Variants in NCOR1 observed in about 807,000 individuals in gnomAD.
NCOR1 encodes nuclear receptor corepressor 1.
Under a neutral mutation model 288.1 loss-of-function variants are expected in NCOR1, and 63 were observed. That is an observed-to-expected ratio of 0.22 (90% CI 0.18 to 0.27). The LOEUF (loss-of-function observed/expected upper bound fraction) is 0.27, where lower values mean the gene tolerates loss of function less well. NCOR1 is among the 10% of genes least tolerant of loss of function. NCOR1 has a pLI of 1.00. For synonymous variants in NCOR1, 1,007 were observed against 1,065.9 expected (o/e 0.94, Z 1.08); for missense variants, 2,397 against 3,019.2 (o/e 0.79, Z 4.83).
intron 22 of NCOR1, among the ~76,000 whole-genome samples, chr17:16,089,731 C>A (rs1289401117): frequency 1.3e-5 from 2 of 152,012 alleles, no homozygotes; most frequent in African/African-American, 4.8e-5. Flanking sequence ...TAAATTTAAA[C>A]CATTTTTGTC....
intron 29 of NCOR1, among the ~76,000 whole-genome samples, 193 bp from the exon 30 acceptor site, chr17:16,071,858 A>C (rs558938203): frequency 2.6e-5 from 4 of 152,346 alleles, no homozygotes; most frequent in Non-Finnish European, 4.4e-5. Flanking sequence ...ATCAGTATTT[A>C]TCAATCATTA....
chr17:16,081,575 C>T (rs573859889), intron 23 of NCOR1, among the ~76,000 whole-genome samples: 34 of 152,092 alleles, frequency 2.2e-4, no homozygotes, highest in African/African-American at 8.2e-4. Context: ...AAGGATGGAG[C>T]TCCTTAAAAG....
At position 16,032,419 on chromosome 17, in the gene NCOR1, C is replaced by T. The variant is rs866294255; in HGVS notation, c.7200G>A (p.Pro2400=). ...TCACCGCAGAGGGAGCACATGCAAT[C>T]GGTGTTGGTGGAGTACTGCTGAGCA... The part of the protein sequence containing the change: ...MRMLSSTPPT[P]IACAPSAVNQ... Residue 2400 remains proline, a synonymous_variant, in exon 46 of 46, where the codon CCG becomes CCA. Transcript: ENST00000268712. 6.2e-7 allele frequency: 1 copy of T among 1,613,974 alleles called. No homozygotes were observed. Among genetic ancestry groups the T allele is most frequent in the Non-Finnish European group, 8.5e-7 (1 of 1,179,980 alleles).
chr17:16,147,306 G>C (rs888982786), intron 9 of NCOR1, among the ~76,000 whole-genome samples: 2 of 151,590 alleles, frequency 1.3e-5, no homozygotes, highest in African/African-American at 4.9e-5. Context: ...CTACTTGGGA[G>C]GCTGAGGCGG....
chr17:16,135,077 T>C (rs1222675993), intron 14 of NCOR1, among the ~76,000 whole-genome samples: 1 of 142,080 alleles, frequency 7.0e-6, no homozygotes, highest in Non-Finnish European at 1.5e-5. Flanking sequence ...CAGAATGGCA[T>C]GAACCCGGGA....
Position 16,151,926 on chromosome 17 carries a change from C to G in NCOR1, c.842+20G>C. The G allele has an allele frequency of 6.3e-7, 1 of 1,576,064 alleles. No individual in the cohort carries two copies. On this transcript the variant is annotated intron_variant, in intron 8 of 45. Coordinates refer to ENST00000268712, the MANE Select transcript of NCOR1 (RefSeq NM_006311.4). The stretch of plus-strand genomic sequence containing the variant: ...TATACGGTCTTTAATTGAAGAACTC[C>G]AAAGATGATCAATACTTACGTCTTG...
chr17:16,201,230 T>TA (rs2090759177), intron 1 of NCOR1, among the ~76,000 whole-genome samples: 1 of 152,182 alleles, frequency 6.6e-6, no homozygotes, highest in African/African-American at 2.4e-5. Flanking sequence ...TCCTACCTCT[T>TA]ATAAAGTATG....
chr17:16,121,328 G>T (rs768242561), intron 15 of NCOR1, 59 bp from the exon 16 acceptor site: 21 of 1,403,586 alleles, frequency 1.5e-5, no homozygotes, highest in Non-Finnish European at 2.0e-5. Flanking sequence ...CATCGAAGAA[G>T]GTTTTAGTTT....
In NCOR1 at chr17:16,138,391, C is replaced by A. The variant is rs141110796; in HGVS notation, c.1353-179G>T. Among the ~76,000 whole-genome samples, 428 of 152,256 alleles carry A rather than the reference C, an allele frequency of 2.8e-3. 3 individuals are homozygous for A. Among genetic ancestry groups the A allele is most frequent in the African/African-American group, 9.5e-3 (395 of 41,552 alleles). On this transcript the variant is annotated intron_variant, in intron 12 of 45. Transcript: ENST00000268712. Reference sequence around the variant, plus strand: ...CTTGAGGTCAGGAGTTCAAGACCAGCCTGACCAATATGGCAGAACCCCATC... The same window carrying A: ...CTTGAGGTCAGGAGTTCAAGACCAGACTGACCAATATGGCAGAACCCCATC...
chr17:16,084,338 G>A (rs1412574569), intron 23 of NCOR1: 1 of 152,218 alleles, frequency 6.6e-6, no homozygotes, highest in Non-Finnish European at 1.5e-5. Flanking sequence ...TTCGGATTGT[G>A]TTACTTCCAA....
chr17:16,155,176 C>T (rs183096442), intron 6 of NCOR1, among the ~76,000 whole-genome samples: 1 of 152,072 alleles, frequency 6.6e-6, no homozygotes, highest in Admixed American at 6.5e-5. Flanking sequence ...CATGGTGAAA[C>T]CCCATCTCTA....
intron 25 of NCOR1, 154 bp downstream of exon 25, chr17:16,080,254 A>G: frequency 3.6e-6 from 3 of 825,804 alleles, no homozygotes; most frequent in South Asian, 2.1e-5. Context: ...ATGGAACTTC[A>G]AGGTTTTAAA....
intron 13 of NCOR1, chr17:16,137,890 T>G (rs2076649210): frequency 2.8e-6 from 1 of 361,898 alleles, no homozygotes; most frequent in Non-Finnish European, 4.9e-6. Flanking sequence ...ATATTTTAAT[T>G]AGAAATTTAA....
rs1268855599 is a variant in NCOR1, at chr17:16,196,136, T to C, written c.-70-1497A>G. ...ATATGATGAAAATTATATAATTGTA[T>C]ATATAAAAATATAACATATATAATT... On this transcript the variant is annotated intron_variant, in intron 1 of 45. Transcript: ENST00000268712. Among the ~76,000 whole-genome samples the C allele has an allele frequency of 4.7e-5, 7 of 149,050 alleles. No homozygotes were observed. In the South Asian group the frequency reaches 1.3e-3, roughly 27 times the overall value.
chr17:16,036,329 C>T (rs568724318), intron 44 of NCOR1, among the ~76,000 whole-genome samples: 6 of 152,212 alleles, frequency 3.9e-5, no homozygotes, highest in Non-Finnish European at 8.8e-5. Flanking sequence ...CACATGCTGT[C>T]ATCTAGGCTT....
chr17:16,042,644 C>T (rs1055463075), intron 42 of NCOR1, among the ~76,000 whole-genome samples: 5 of 152,198 alleles, frequency 3.3e-5, no homozygotes, highest in African/African-American at 1.2e-4. Context: ...GGAAGGTAGA[C>T]ATGTGAAAGC....
intron 1 of NCOR1, among the ~76,000 whole-genome samples, chr17:16,209,413 G>A (rs201328259): frequency 6.6e-6 from 1 of 152,002 alleles, no homozygotes; most frequent in South Asian, 2.1e-4. Context: ...ATAAGAATAT[G>A]CCTTTTCCTT....
Position 16,061,462 on chromosome 17 carries a change from T to G in NCOR1, c.5820A>C (p.Gln1940His). Residue 1940 changes from glutamine to histidine, a missense_variant, in exon 37 of 46, where the codon CAA becomes CAC. By Grantham distance (24) the Gln-to-His change is conservative. Transcript: ENST00000268712. The stretch of plus-strand genomic sequence containing the variant: ...CCCTCGCATCCTTGTCCGAGGCAAT[T>G]TGCCGGGTGATGATCACGTCTATGA... ...ANFIDVIITR[Q>H]IASDKDARER... The G allele has an allele frequency of 6.2e-7, 1 of 1,614,240 alleles. No individual in the cohort carries two copies. The highest frequency in any genetic ancestry group is 8.5e-7 in the Non-Finnish European group (1 of 1,180,040).
intron 3 of NCOR1, among the ~76,000 whole-genome samples, chr17:16,181,241 G>GTGTGTGTGTGTC (rs2085414689): frequency 6.6e-6 from 1 of 150,694 alleles, no homozygotes; most frequent in Admixed American, 6.6e-5. Flanking sequence ...GTGTGTGTGT[G>GTGTGTGTGTGTC]TGTGTGTGTG....
Sources: allele counts gnomAD v4.1 joint callset (sites outside exome capture counted in the v4.1 genomes callset), GRCh38; gene constraint gnomAD v4.1.1; transcripts MANE v1.5; gene names NCBI Gene and HGNC (gene_info 2026-07-23, HGNC 2026-07-21).